Variants in IKZF3 observed in about 807,000 individuals in gnomAD.
The protein encoded by IKZF3 is IKAROS family zinc finger 3.
In IKZF3, 10 loss-of-function variants were observed where a neutral mutation model predicts 49.0. The observed-to-expected ratio is 0.20, with a 90% confidence interval of 0.13 to 0.35. IKZF3 has a LOEUF of 0.35. IKZF3 is among the 10% of genes least tolerant of loss of function. IKZF3 has a pLI of 1.00. For missense variants in IKZF3, 498 were observed against 664.8 expected (o/e 0.75, Z 2.76); for synonymous variants, 209 against 228.2 (o/e 0.92, Z 0.76).
At chr17:39,806,328 T>C (rs1355541298) in intron 3 of IKZF3, among the ~76,000 whole-genome samples, 1 of 152,186 alleles carries the variant, frequency 6.6e-6, no homozygotes, top group African/African-American at 2.4e-5. Flanking sequence ...TAAATGAAAA[T>C]ATCCTGCAAC....
intron 3 of IKZF3, among the ~76,000 whole-genome samples, chr17:39,801,119 G>C (rs2061306026): frequency 6.6e-6 from 1 of 152,124 alleles, no homozygotes; most frequent in South Asian, 2.1e-4. Context: ...TTGTGAGAAG[G>C]GACAAAACAA....
intron 3 of IKZF3, among the ~76,000 whole-genome samples, chr17:39,829,000 C>CA (rs1364409128): frequency 1.0e-4 from 15 of 149,692 alleles, no homozygotes; most frequent in Admixed American, 4.7e-4. Context: ...AACTCCGTCT[C>CA]AAAAAAAAAT....
Position 39,814,336 on chromosome 17 carries a change from G to A in IKZF3, c.163+15051C>T, listed in dbSNP as rs575103491. On this transcript the variant is annotated intron_variant, in intron 3 of 7. Coordinates refer to ENST00000346872, the MANE Select transcript of IKZF3 (RefSeq NM_012481.5). Reference sequence around the variant, plus strand: ...GACCCATAGCTTGTACAGAATGGAAGTAATTAAATACATACACCGATTGAT... The same window carrying A: ...GACCCATAGCTTGTACAGAATGGAAATAATTAAATACATACACCGATTGAT... 5.9e-5 allele frequency among the ~76,000 whole-genome samples: 9 copies of A among 151,874 alleles called. No homozygotes were observed. The East Asian group carries it at 1.7e-3, about 29-fold the overall frequency.
intron 1 of IKZF3, among the ~76,000 whole-genome samples, chr17:39,847,585 C>T (rs2062672478): frequency 6.6e-6 from 1 of 152,074 alleles, no homozygotes; most frequent in Admixed American, 6.6e-5. Context: ...ATGTTACCAC[C>T]CAGTTTCCTG....
At position 39,829,474 on chromosome 17, in the gene IKZF3, A is replaced by C. The variant is rs1453308879; in HGVS notation, c.76T>G (p.Leu26Val). Reference sequence around the variant, plus strand: ...GATTTGGTTAAACTGTAGTCATTCAAAACCGCTGCACTTTCTAAAAGATAA... The same window carrying C: ...GATTTGGTTAAACTGTAGTCATTCACAACCGCTGCACTTTCTAAAAGATAA... ...QSVPAESAAV[L>V]NDYSLTKSHE... is the part of the protein sequence containing the mutation. The change falls in exon 3 of 8, where the codon TTG becomes GTG. Residue 26 changes from leucine (L) to valine (V), a missense_variant. Physicochemically the swap from Leu to Val is conservative, Grantham distance 32. Coordinates refer to ENST00000346872, the MANE Select transcript of IKZF3 (RefSeq NM_012481.5). The C allele has an allele frequency of 1.2e-6, 2 of 1,612,902 alleles. No individual in the cohort carries two copies. The highest frequency in any genetic ancestry group is 1.7e-6 in the Non-Finnish European group (2 of 1,178,978).
chr17:39,797,624 T>A (rs894763442), intron 3 of IKZF3, among the ~76,000 whole-genome samples: 1 of 152,140 alleles, frequency 6.6e-6, no homozygotes, highest in African/African-American at 2.4e-5. Context: ...GGTTTTACCA[T>A]GTTGGCCAGG....
At chr17:39,834,757 A>G (rs568641849) in intron 1 of IKZF3, among the ~76,000 whole-genome samples, 24 of 151,192 alleles carry the variant, frequency 1.6e-4, no homozygotes, top group African/African-American at 4.4e-4. Flanking sequence ...ATTTTGGAGG[A>G]AAAAAAAATG....
At chr17:39,766,530 C>T (rs746811722) in intron 7 of IKZF3, 37 bp from the exon 8 acceptor site, 2 of 1,515,282 alleles carry the variant, frequency 1.3e-6, no homozygotes, top group Non-Finnish European at 9.0e-7. Flanking sequence ...AAAGGGAACA[C>T]TGCCAAGGCA....
At chr17:39,802,002 G>A (rs903466975) in intron 3 of IKZF3, among the ~76,000 whole-genome samples, 6 of 151,846 alleles carry the variant, frequency 4.0e-5, no homozygotes, top group African/African-American at 1.2e-4. Flanking sequence ...TGAGGCAGGC[G>A]GATCACGAGA....
At chr17:39,843,154 G>T (rs1442096515) in intron 1 of IKZF3, among the ~76,000 whole-genome samples, 1 of 152,122 alleles carries the variant, frequency 6.6e-6, no homozygotes, top group Non-Finnish European at 1.5e-5. Context: ...ATATCTTGTG[G>T]TAAAGAACAT....
At chr17:39,813,104 AAAATAAAT>A (rs142647769) in intron 3 of IKZF3, among the ~76,000 whole-genome samples, 13,340 of 143,290 alleles carry the variant, frequency 0.093, 1,255 homozygotes, top group African/African-American at 0.25. Context: ...TCCATCTCAA[AAAATAAAT>A]AAATAAATAA....
At chr17:39,808,205 T>G (rs1211623600) in intron 3 of IKZF3, among the ~76,000 whole-genome samples, 2 of 152,182 alleles carry the variant, frequency 1.3e-5, no homozygotes, top group African/African-American at 4.8e-5. Context: ...TACTTCCATA[T>G]GACAAATGCT....
At chr17:39,773,530 T>C (rs1022077628) in intron 7 of IKZF3, among the ~76,000 whole-genome samples, 10 of 152,246 alleles carry the variant, frequency 6.6e-5, no homozygotes, top group Non-Finnish European at 1.2e-4. Context: ...AAAACCTCAT[T>C]AACATGTTTA....
At chr17:39,821,689 G>A (rs771270364) in intron 3 of IKZF3, among the ~76,000 whole-genome samples, 12 of 152,118 alleles carry the variant, frequency 7.9e-5, no homozygotes, top group African/African-American at 1.2e-4. Context: ...CCTGAACTTC[G>A]GATGCTAGAC....
rs575049683 is a variant in IKZF3 at position 39,771,738 on chromosome 17, T to G, written c.827-5245A>C. 5.9e-5 allele frequency among the ~76,000 whole-genome samples: 9 copies of G among 151,986 alleles called. No individual in the cohort carries two copies. In the East Asian group the frequency reaches 1.7e-3, roughly 29 times the overall value. On this transcript the variant is annotated intron_variant, in intron 7 of 7. Transcript: ENST00000346872. ...TGTGGGAATGTGGACAATGTGTGCT[T>G]CTTTTTATTTTTTATTTTTGAGACA... is the stretch of plus-strand genomic sequence containing the variant.
At chr17:39,768,043 C>A (rs976869679) in intron 7 of IKZF3, among the ~76,000 whole-genome samples, 1 of 151,872 alleles carries the variant, frequency 6.6e-6, no homozygotes, top group South Asian at 2.1e-4. Flanking sequence ...CAGAGTAAGA[C>A]CTTGTCTCAA....
chr17:39,778,048 G>A, intron 6 of IKZF3: 5 of 1,068,282 alleles, frequency 4.7e-6, no homozygotes, highest in Non-Finnish European at 5.7e-6. Context: ...AAACAGCCTG[G>A]ACGTGGTTGG....
chr17:39,801,088 T>A (rs1299809318), intron 3 of IKZF3, among the ~76,000 whole-genome samples: 2 of 152,116 alleles, frequency 1.3e-5, no homozygotes, highest in East Asian at 3.8e-4. Flanking sequence ...GGAAGTAATA[T>A]CCTCAGGTCT....
At chr17:39,835,929 T>C in intron 1 of IKZF3, 1 of 655,972 alleles carries the variant, frequency 1.5e-6, no homozygotes, top group Non-Finnish European at 2.8e-6. Context: ...TGCCTCCAGT[T>C]TCAGCTTCTC....
Sources: gnomAD v4.1 joint callset for allele counts (sites outside exome capture counted in the v4.1 genomes callset) on GRCh38, gnomAD v4.1.1 for gene constraint, MANE v1.5 for transcripts, NCBI Gene and HGNC (gene_info 2026-07-23, HGNC 2026-07-21) for gene names.